MACROD2: variants seen among roughly 807,000 people sequenced by gnomAD.
MACROD2 encodes mono-ADP ribosylhydrolase 2.
A neutral mutation model predicts 70.4 loss-of-function variants in MACROD2; 36 were observed. The ratio of observed to expected loss-of-function variants is 0.51; its 90% confidence interval spans 0.39 to 0.68. MACROD2 has a LOEUF of 0.68. Among genes scored for constraint, MACROD2 ranks in the 30% least tolerant of loss-of-function variants. MACROD2 has a pLI of 0.00. For synonymous variants in MACROD2, 172 were observed against 178.8 expected, an observed-to-expected ratio of 0.96 and a Z score of 0.30; for missense variants, 496 against 538.4, an observed-to-expected ratio of 0.92 and a Z score of 0.78.
At chr20:15,160,735 G>C (rs1279637065) in intron 5 of MACROD2, among the ~76,000 whole-genome samples, 1 of 152,030 alleles carries the variant, frequency 6.6e-6, no homozygotes, top group Non-Finnish European at 1.5e-5. Context: ...TGATCTAATA[G>C]TATTTTTTAA....
At position 14,281,672 on chromosome 20, in the gene MACROD2, T is replaced by C. The variant is rs569779770; in HGVS notation, c.271+195944T>C. On this transcript the variant is annotated intron_variant, in intron 3 of 17. Coordinates refer to ENST00000684519, the MANE Select transcript of MACROD2 (RefSeq NM_001351661.2). ...TAATAAGCAGCCAGGCGCAGTGGCT[T>C]ATGCCTGTAATCCCAGCACTTTGGG... Among the ~76,000 whole-genome samples the C allele has an allele frequency of 5.5e-3, 832 of 152,130 alleles. 2 individuals are homozygous for C. The highest frequency in any genetic ancestry group is 8.6e-3 in the Non-Finnish European group (584 of 67,974).
intron 15 of MACROD2, among the ~76,000 whole-genome samples, chr20:16,028,849 G>A (rs777795107): frequency 6.6e-6 from 1 of 152,206 alleles, no homozygotes; most frequent in Non-Finnish European, 1.5e-5. Flanking sequence ...CAGACTAGGT[G>A]AGTAACAGAT....
intron 3 of MACROD2, among the ~76,000 whole-genome samples, chr20:14,085,986 G>T (rs1460225994): frequency 6.6e-6 from 1 of 152,144 alleles, no homozygotes; most frequent in African/African-American, 2.4e-5. Context: ...GTGACAGATT[G>T]TTGCAGAAAG....
In MACROD2 at chr20:15,295,595, T is replaced by TCACACACA. The variant is rs3223712; in HGVS notation, c.540+65561_540+65568dup. 4.3e-3 allele frequency among the ~76,000 whole-genome samples: 632 copies of TCACACACA among 148,050 alleles called. 12 individuals are homozygous for TCACACACA. The highest frequency in any genetic ancestry group is 0.01 in the Middle Eastern group (3 of 288). On this transcript the variant is annotated intron_variant, in intron 6 of 17. Transcript: ENST00000684519. Reference sequence around the variant, plus strand: ...ATGCAATACTTATCAATGTCTGTCATCACACACACACACACACACACACAC... The same window carrying TCACACACA: ...ATGCAATACTTATCAATGTCTGTCATCACACACACACACACACACACACACACACACAC...
intron 3 of MACROD2, among the ~76,000 whole-genome samples, chr20:14,157,816 C>A (rs1230731888): frequency 6.6e-6 from 1 of 152,058 alleles, no homozygotes; most frequent in Non-Finnish European, 1.5e-5. Context: ...TTTCTTTATC[C>A]ATTCATCCAT....
At chr20:15,562,151 T>C (rs6110680) in intron 8 of MACROD2, among the ~76,000 whole-genome samples, 4,931 of 152,218 alleles carry the variant, frequency 0.032, 270 homozygotes, top group African/African-American at 0.11. Context: ...CTTATTTCTA[T>C]TGGGACTGCT....
chr20:15,263,413 C>A (rs992324491), intron 6 of MACROD2, among the ~76,000 whole-genome samples: 3 of 151,824 alleles, frequency 2.0e-5, no homozygotes, highest in African/African-American at 7.2e-5. Context: ...GCCAGTACCA[C>A]ACTGTTTTGG....
chr20:14,231,393 G>T (rs1021654375), intron 3 of MACROD2, among the ~76,000 whole-genome samples: 8 of 151,842 alleles, frequency 5.3e-5, no homozygotes, highest in Non-Finnish European at 2.9e-5. Flanking sequence ...GCGGTGTTTG[G>T]TTTTTTTGTC....
intron 5 of MACROD2, among the ~76,000 whole-genome samples, chr20:14,816,948 C>A (rs571240160): frequency 6.6e-6 from 1 of 151,930 alleles, no homozygotes; most frequent in Non-Finnish European, 1.5e-5. Context: ...AAACTACTCA[C>A]GTAAATAAAA....
chr20:15,618,434 TCC>T (rs1238854490), intron 8 of MACROD2, among the ~76,000 whole-genome samples: 1 of 152,124 alleles, frequency 6.6e-6, no homozygotes, highest in Non-Finnish European at 1.5e-5. Flanking sequence ...CTCATATTTA[TCC>T]CACACCAGCC....
chr20:15,775,708 C>A (rs1033835988), intron 8 of MACROD2, among the ~76,000 whole-genome samples: 3 of 151,896 alleles, frequency 2.0e-5, no homozygotes, highest in African/African-American at 2.4e-5. Flanking sequence ...ATTTTCGGGG[C>A]GAGGGGAAGG....
At chr20:15,757,230 T>C (rs1009493682) in intron 8 of MACROD2, among the ~76,000 whole-genome samples, 10 of 152,228 alleles carry the variant, frequency 6.6e-5, no homozygotes, top group African/African-American at 2.2e-4. Context: ...GGAACTTCTG[T>C]AGTATGCAAA....
chr20:14,149,836 A>G (rs1313271469), intron 3 of MACROD2, among the ~76,000 whole-genome samples: 1 of 152,144 alleles, frequency 6.6e-6, no homozygotes, highest in African/African-American at 2.4e-5. Context: ...CCTGGTTCAC[A>G]GTGTTTTTCT....
At chr20:14,379,006 T>C (rs1451219410) in intron 3 of MACROD2, among the ~76,000 whole-genome samples, 4 of 152,204 alleles carry the variant, frequency 2.6e-5, no homozygotes, top group African/African-American at 7.2e-5. Flanking sequence ...GAATCTCAGA[T>C]GCTTTTCTCC....
chr20:14,552,557 GA>G (rs1978729527), intron 4 of MACROD2, among the ~76,000 whole-genome samples: 2 of 151,576 alleles, frequency 1.3e-5, no homozygotes, highest in South Asian at 2.1e-4. Context: ...GATATGTTCT[GA>G]AAAAAACAGA....
At chr20:14,589,782 G>T (rs562066784) in intron 4 of MACROD2, among the ~76,000 whole-genome samples, 1 of 152,144 alleles carries the variant, frequency 6.6e-6, no homozygotes, top group Admixed American at 6.5e-5. Flanking sequence ...AGAGAGAAAA[G>T]TTCTAACCCC....
chr20:15,575,449 A>G (rs537115129), intron 8 of MACROD2, among the ~76,000 whole-genome samples: 50 of 152,314 alleles, frequency 3.3e-4, no homozygotes, highest in African/African-American at 1.2e-3. Flanking sequence ...GGATGAATGA[A>G]TACCAGCTCT....
chr20:16,039,231 T>G (rs2067275365), intron 15 of MACROD2, among the ~76,000 whole-genome samples: 1 of 152,030 alleles, frequency 6.6e-6, no homozygotes, highest in Admixed American at 6.6e-5. Flanking sequence ...AGAGGGTTAG[T>G]CTGAATCATT....
At chr20:14,221,242 TGA>T (rs1168855682) in intron 3 of MACROD2, among the ~76,000 whole-genome samples, 2 of 152,192 alleles carry the variant, frequency 1.3e-5, no homozygotes, top group South Asian at 2.1e-4. Context: ...GGCTTTGGAA[TGA>T]GAGAGTCTTG....
Sources: allele counts gnomAD v4.1 joint callset (sites outside exome capture counted in the v4.1 genomes callset), GRCh38; gene constraint gnomAD v4.1.1; transcripts MANE v1.5; gene names NCBI Gene and HGNC (gene_info 2026-07-23, HGNC 2026-07-21).